The following ARK2N variants were observed in gnomAD, a reference collection of about 807,000 sequenced individuals.
The protein encoded by ARK2N is protein ARK2N.
At chr18:46,246,808 G>A in the ARK2N span, among the ~76,000 whole-genome samples, 5 of 152,068 alleles carry the variant, frequency 3.3e-5, no homozygotes, top group African/African-American at 7.2e-5. Context: ...TGGCGTGGTG[G>A]TGCATGCCTG....
chr18:46,196,958 G>C, the ARK2N span, among the ~76,000 whole-genome samples: 1 of 152,294 alleles, frequency 6.6e-6, no homozygotes, highest in South Asian at 2.1e-4. Context: ...AGAGAGAGAA[G>C]TGAGAAGAAA....
At chr18:46,258,938 T>C in the ARK2N span, among the ~76,000 whole-genome samples, 2 of 152,174 alleles carry the variant, frequency 1.3e-5, no homozygotes, top group Non-Finnish European at 2.9e-5. Flanking sequence ...TTTTGTGTAA[T>C]GTATATTCTC....
the ARK2N span, chr18:46,265,126 A>G: frequency 2.0e-5 from 3 of 152,624 alleles, no homozygotes; most frequent in Non-Finnish European, 2.9e-5. Flanking sequence ...ACTGTTACAC[A>G]TAGTTTTTGA....
chr18:46,175,828 A>T, the ARK2N span, among the ~76,000 whole-genome samples: 1 of 151,886 alleles, frequency 6.6e-6, no homozygotes, highest in Non-Finnish European at 1.5e-5. Context: ...TGGGAAAAAA[A>T]ATTTTTTCTG....
chr18:46,244,129 T>C, the ARK2N span, among the ~76,000 whole-genome samples: 50 of 152,350 alleles, frequency 3.3e-4, no homozygotes, highest in African/African-American at 1.2e-3. Flanking sequence ...CTCTTTTTAA[T>C]AATAGCCTCA....
chr18:46,207,151 G>A, the ARK2N span, among the ~76,000 whole-genome samples: 8 of 152,152 alleles, frequency 5.3e-5, no homozygotes, highest in African/African-American at 1.9e-4. Context: ...GAACTCTCCT[G>A]TAAGATTTTG....
At chr18:46,196,670 A>G in the ARK2N span, among the ~76,000 whole-genome samples, 5 of 152,226 alleles carry the variant, frequency 3.3e-5, no homozygotes, top group African/African-American at 1.2e-4. Context: ...GATATTAGCA[A>G]TAAACGTTAT....
chr18:46,214,256 G>C, the ARK2N span, among the ~76,000 whole-genome samples: 1 of 152,198 alleles, frequency 6.6e-6, no homozygotes. Flanking sequence ...ACTTGATGGA[G>C]TGAGATGATG....
the ARK2N span, chr18:46,266,186 G>A: frequency 6.6e-6 from 1 of 152,192 alleles, no homozygotes; most frequent in East Asian, 1.9e-4. Context: ...GTAGTCATTT[G>A]TTCATCTTTA....
At chr18:46,244,601 A>ACTTTTTT in the ARK2N span, among the ~76,000 whole-genome samples, 20 of 93,864 alleles carry the variant, frequency 2.1e-4, no homozygotes, top group Middle Eastern at 8.8e-3. Flanking sequence ...AAGAGTTTAG[A>ACTTTTTT]TTTTTTTTTT....
the ARK2N span, among the ~76,000 whole-genome samples, chr18:46,222,616 T>C: frequency 6.6e-6 from 1 of 152,336 alleles, no homozygotes; most frequent in South Asian, 2.1e-4. Context: ...AAAAGGTCTT[T>C]TTCTCAAAAT....
the ARK2N span, among the ~76,000 whole-genome samples, chr18:46,240,926 G>A: frequency 6.6e-6 from 1 of 152,156 alleles, no homozygotes; most frequent in African/African-American, 2.4e-5. Context: ...GAAAATACTA[G>A]CACTGAACAT....
At chr18:46,188,678 TA>T in the ARK2N span, among the ~76,000 whole-genome samples, 2 of 152,130 alleles carry the variant, frequency 1.3e-5, no homozygotes, top group Non-Finnish European at 2.9e-5. Flanking sequence ...ATTACTAACA[TA>T]AAAATATAAG....
At chr18:46,193,851 G>T in the ARK2N span, among the ~76,000 whole-genome samples, 3 of 151,960 alleles carry the variant, frequency 2.0e-5, no homozygotes, top group African/African-American at 7.3e-5. Context: ...TGCCCACCTT[G>T]GCCTCCCAAA....
At chr18:46,185,853 GGCTTACACTGGTAATCTCA>G in the ARK2N span, among the ~76,000 whole-genome samples, 3 of 151,844 alleles carry the variant, frequency 2.0e-5, no homozygotes, top group African/African-American at 7.3e-5. Context: ...TGGGCTTGCT[GGCTTACACTGGTAATCTCA>G]GCTACTCAGG....
the ARK2N span, among the ~76,000 whole-genome samples, chr18:46,220,400 T>C: frequency 6.6e-6 from 1 of 152,242 alleles, no homozygotes; most frequent in Non-Finnish European, 1.5e-5. Flanking sequence ...TACCTCATAG[T>C]TTTTTTCTCT....
the ARK2N span, among the ~76,000 whole-genome samples, chr18:46,254,891 A>G: frequency 6.7e-6 from 1 of 148,258 alleles, no homozygotes; most frequent in Admixed American, 6.8e-5. Context: ...CCCCTGCCGC[A>G]CATGCACACA....
the ARK2N span, among the ~76,000 whole-genome samples, chr18:46,223,889 T>A: frequency 6.6e-6 from 1 of 152,120 alleles, no homozygotes; most frequent in Admixed American, 6.5e-5. Flanking sequence ...GAGATAAAGA[T>A]TAGGAATGGG....
chr18:46,259,898 T>TGTGTGTGTGTGTGTGTGTGTGTGTGTGG, the ARK2N span, among the ~76,000 whole-genome samples: 3 of 95,116 alleles, frequency 3.2e-5, no homozygotes, highest in Admixed American at 1.1e-4. Flanking sequence ...TGTGTGTGTG[T>TGTGTGTGTGTGTGTGTGTGTGTGTGTGG]GCGACAGAGA....
Sources: allele counts gnomAD v4.1 joint callset (sites outside exome capture counted in the v4.1 genomes callset), GRCh38; gene constraint gnomAD v4.1.1; transcripts MANE v1.5; gene names NCBI Gene and HGNC (gene_info 2026-07-23, HGNC 2026-07-21).